The following KCNA7 variants were observed in gnomAD, a reference collection of about 807,000 sequenced individuals.
The protein encoded by KCNA7 is potassium channel, voltage gated shaker related subfamily A, member 7.
KCNA7 carries 15 observed loss-of-function variants against 21.5 expected under a neutral mutation model. The observed-to-expected ratio is 0.70, with a 90% CI of 0.47 to 1.07. The LOEUF (loss-of-function observed/expected upper bound fraction) is 1.07, where lower values mean the gene tolerates loss of function less well. KCNA7 is among the 50% of genes least tolerant of loss of function. The probability of loss-of-function intolerance (pLI) is 0.00; values close to 1 mark genes in which losing one functional copy is unlikely to be tolerated. For missense variants in KCNA7, 640 were observed against 651.6 expected (o/e 0.98, Z 0.19); for synonymous variants, 298 against 291.0 (o/e 1.02, Z -0.24).
chr19:49,071,996 AC>A, intron 1 of KCNA7, 34 bp downstream of exon 1: 1 of 1,504,770 alleles, frequency 6.6e-7, no homozygotes, highest in Non-Finnish European at 9.0e-7. Flanking sequence ...CTCCTCCCAA[AC>A]CCCGCCCGTC....
rs895594507 is a variant in KCNA7, at chr19:49,072,320, A to G, written c.266T>C (p.Phe89Ser). 3.8e-6 allele frequency: 6 copies of G among 1,589,004 alleles called. No homozygotes were observed. The highest frequency in any genetic ancestry group is 5.1e-6 in the Non-Finnish European group (6 of 1,172,570). The part of the protein sequence containing the change: ...RRPAHVPLDV[F>S]LEEVAFYGLG... ...CCCGTAGAAGGCCACCTCTTCCAGGAAGACGTCGAGCGGCACGTGCGCCGG... is the reference window on the plus strand; with the variant it reads ...CCCGTAGAAGGCCACCTCTTCCAGGGAGACGTCGAGCGGCACGTGCGCCGG... The change falls in exon 1 of 2, where the codon TTC (phenylalanine) becomes TCC (serine). Residue 89 changes from phenylalanine (F) to serine (S), a missense_variant. By Grantham distance (155) the Phe-to-Ser change is radical. Coordinates refer to ENST00000221444, the MANE Select transcript of KCNA7 (RefSeq NM_031886.3).
At position 49,070,517 on chromosome 19, in the gene KCNA7, C is replaced by G; in HGVS notation, c.917G>C (p.Arg306Pro). 6.2e-7 allele frequency: 1 copy of G among 1,614,118 alleles called. No homozygotes were observed. Among genetic ancestry groups the G allele is most frequent in the Non-Finnish European group, 8.5e-7 (1 of 1,180,028 alleles). Residue 306 changes from arginine (R) to proline (P), a missense_variant, in exon 2 of 2, where the codon CGG becomes CCG. Arg to Pro is a moderately radical substitution (Grantham distance 103). Coordinates refer to ENST00000221444, the MANE Select transcript of KCNA7 (RefSeq NM_031886.3). The surrounding 1 kb of genome is among the most constrained non-coding windows in gnomAD (Gnocchi z 4.3). ...KGLQILGQTL[R>P]ASMRELGLLI... is the part of the protein sequence containing the mutation. ...GAGGCCCAGCTCACGCATGGAGGCC[C>G]GAAGCGTCTGGCCCAAGATTTGCAG...
chr19:49,071,850 AC>A (rs918811030), intron 1 of KCNA7, among the ~76,000 whole-genome samples, 180 bp downstream of exon 1: 17 of 151,778 alleles, frequency 1.1e-4, no homozygotes, highest in African/African-American at 4.1e-4. Context: ...CCTCAACCCC[AC>A]CTTCTGATGG....
Position 49,072,111 on chromosome 19 carries a change from C to G in KCNA7, c.475G>C (p.Val159Leu). Reference sequence around the variant, plus strand: ...TCAGGCAGCGTCTCGAGGCAGAAGACGACGATGGAGACGAGGATGACCAGC... The same window carrying G: ...TCAGGCAGCGTCTCGAGGCAGAAGAGGACGATGGAGACGAGGATGACCAGC... Reference protein sequence around the residue: ...SVLVILVSIVVFCLETLPDFR... With the variant: ...SVLVILVSIVLFCLETLPDFR... The change falls in exon 1 of 2, where the codon GTC (valine) becomes CTC (leucine). Residue 159 changes from valine (V) to leucine (L), a missense_variant. Coordinates refer to ENST00000221444, the MANE Select transcript of KCNA7 (RefSeq NM_031886.3). The G allele has an allele frequency of 6.2e-7, 1 of 1,612,338 alleles. No individual in the cohort carries two copies. Among genetic ancestry groups the G allele is most frequent in the Non-Finnish European group, 8.5e-7 (1 of 1,179,668 alleles).
Position 49,070,017 on chromosome 19 carries a change from C to A in KCNA7, c.*46G>T. The A allele has an allele frequency of 1.1e-5, 16 of 1,419,280 alleles. No homozygotes were observed. The highest frequency in any genetic ancestry group is 1.6e-5 in the Non-Finnish European group (16 of 1,031,664). 87.9% of individuals were successfully genotyped at this position (1,419,280 alleles called of 1,614,324 possible). A position where few individuals can be genotyped will look rare whatever the true frequency, so the allele number is the denominator to read the frequency against. ...CCTTGCCCTCCACCCTGCCCTCCCT[C>A]CCTCCCTCTAGGGAGGTGTGAGGTC... is the stretch of plus-strand genomic sequence containing the variant. On this transcript the variant is annotated 3_prime_UTR_variant, in exon 2 of 2. Coordinates refer to ENST00000221444, the MANE Select transcript of KCNA7 (RefSeq NM_031886.3). The surrounding 1 kb of genome is among the most constrained non-coding windows in gnomAD (Gnocchi z 4.3).
At chr19:49,071,911 T>C in intron 1 of KCNA7, 120 bp downstream of exon 1, 2 of 728,498 alleles carry the variant, frequency 2.7e-6, no homozygotes, top group Middle Eastern at 4.2e-4. Context: ...GCCCACCCTG[T>C]CTTCGGCTGG....
rs2122247447 is a variant in KCNA7, at chr19:49,067,617, G to A, written c.*2446C>T. 6.6e-6 allele frequency: 1 copy of A among 152,320 alleles called. No homozygotes were observed. The highest frequency in any genetic ancestry group is 1.9e-4 in the East Asian group (1 of 5,184). 9.4% of individuals were successfully genotyped at this position (152,320 alleles called of 1,614,324 possible). A position where few individuals can be genotyped will look rare whatever the true frequency, so the allele number is the denominator to read the frequency against. On this transcript the variant is annotated 3_prime_UTR_variant, in exon 2 of 2. Coordinates refer to ENST00000221444, the MANE Select transcript of KCNA7 (RefSeq NM_031886.3). ...GAAATGAGGCTACGGGACTCAGGAG[G>A]ACCCGTGTGTCCCAGCAGGCTGATG...
chr19:49,070,130 C>A lies in KCNA7; in HGVS notation c.1304G>T (p.Gly435Val). 1 of 1,613,672 alleles carries A rather than the reference C, an allele frequency of 6.2e-7. No homozygotes were observed. Among genetic ancestry groups the A allele is most frequent in the Non-Finnish European group, 8.5e-7 (1 of 1,179,802 alleles). The change falls in exon 2 of 2, where the codon GGG (glycine) becomes GTG (valine). Residue 435 changes from glycine to valine, a missense_variant. Gly to Val is a moderately radical substitution (Grantham distance 109). Transcript: ENST00000221444. This position sits in a 1 kb window ranked among gnomAD's most constrained non-coding sequence, Gnocchi z 4.3. ...EGKANGGLVD[G>V]EVPELPPPLW... ...TGGAGGTGGTAGCTCAGGTACCTCC[C>A]CGTCCACCAGCCCCCCATTGGCCTT...
Position 49,070,689 on chromosome 19 carries a change from C to T in KCNA7, c.745G>A (p.Ala249Thr). The T allele has an allele frequency of 6.2e-7, 1 of 1,614,172 alleles. No individual in the cohort carries two copies. Among genetic ancestry groups the T allele is most frequent in the Non-Finnish European group, 8.5e-7 (1 of 1,180,032 alleles). Reference protein sequence around the residue: ...KNVMNLIDFVAILPYFVALGT... With the variant: ...KNVMNLIDFVTILPYFVALGT... ...AGTGCCACAAAGTAGGGAAGGATAG[C>T]CACAAAATCGATGAGGTTCATCACG... The change falls in exon 2 of 2, where the codon GCT (alanine) becomes ACT (threonine). Residue 249 changes from alanine to threonine, a missense_variant. Coordinates refer to ENST00000221444, the MANE Select transcript of KCNA7 (RefSeq NM_031886.3). This position sits in a 1 kb window ranked among gnomAD's most constrained non-coding sequence, Gnocchi z 4.3.
At position 49,072,043 on chromosome 19, in the gene KCNA7, G is replaced by T. The variant is rs200579675; in HGVS notation, c.543C>A (p.Ala181=). Residue 181 remains alanine (A), a synonymous_variant, in exon 1 of 2, where the codon GCC becomes GCA. Coordinates refer to ENST00000221444, the MANE Select transcript of KCNA7 (RefSeq NM_031886.3). ...CCCCGCCTCTCACCGGGCCGGCTGC[G>T]GCTGCAGCAGCAAGCCCCGTGCCGT... ...DRDGTGLAAA[A]AAGPFPAPLN... 2 of 1,602,898 alleles carry T rather than the reference G, an allele frequency of 1.2e-6. No homozygotes were observed. Among genetic ancestry groups the T allele is most frequent in the Admixed American group, 3.4e-5 (2 of 59,280 alleles).
Position 49,070,659 on chromosome 19 carries a change from T to G in KCNA7, c.775A>C (p.Thr259Pro), listed in dbSNP as rs1250413933. ...ACCCCTCGCTGCCGGGCCAGCTCGG[T>G]GCCCAGTGCCACAAAGTAGGGAAGG... ...AILPYFVALG[T>P]ELARQRGVGQ... Residue 259 changes from threonine (T) to proline (P), a missense_variant, in exon 2 of 2, where the codon ACC becomes CCC. By Grantham distance (38) the Thr-to-Pro change is conservative. Coordinates refer to ENST00000221444, the MANE Select transcript of KCNA7 (RefSeq NM_031886.3). The surrounding 1 kb of genome is among the most constrained non-coding windows in gnomAD (Gnocchi z 4.3). The G allele has an allele frequency of 6.2e-7, 1 of 1,614,138 alleles. No individual in the cohort carries two copies. The highest frequency in any genetic ancestry group is 1.7e-5 in the Admixed American group (1 of 60,018).
At chr19:49,071,910 G>T in intron 1 of KCNA7, 121 bp downstream of exon 1, 5 of 820,064 alleles carry the variant, frequency 6.1e-6, no homozygotes, top group South Asian at 3.8e-5. Context: ...CGCCCACCCT[G>T]TCTTCGGCTG....
chr19:49,069,215 T>C lies in KCNA7; in HGVS notation c.*848A>G, dbSNP rs766610802. The C allele has an allele frequency of 8.5e-5, 13 of 152,222 alleles. No homozygotes were observed. The highest frequency in any genetic ancestry group is 1.5e-4 in the Non-Finnish European group (10 of 68,050). The allele number at this position is 152,222 out of a possible 1,614,324, so 9.4% of individuals were successfully genotyped here. On this transcript the variant is annotated 3_prime_UTR_variant, in exon 2 of 2. Coordinates refer to ENST00000221444, the MANE Select transcript of KCNA7 (RefSeq NM_031886.3). ...CAGTCCAACTCAACCCAACTTCCTG[T>C]AGGACTCACATAGTGACACAACTCA...
At position 49,068,269 on chromosome 19, in the gene KCNA7, C is replaced by A. The variant is rs1031892047; in HGVS notation, c.*1794G>T. On this transcript the variant is annotated 3_prime_UTR_variant, in exon 2 of 2. Coordinates refer to ENST00000221444, the MANE Select transcript of KCNA7 (RefSeq NM_031886.3). The stretch of plus-strand genomic sequence containing the variant: ...TTGTTCTGTCTCCAACTCTGGGTGT[C>A]TGACGCTGCCCTCTGGGTCTCTGTC... 6.6e-6 allele frequency: 1 copy of A among 152,016 alleles called. No homozygotes were observed. The highest frequency in any genetic ancestry group is 2.4e-5 in the African/African-American group (1 of 41,334). The allele number at this position is 152,016 out of a possible 1,614,324, so 9.4% of individuals were successfully genotyped here. A position where few individuals can be genotyped will look rare whatever the true frequency, so the allele number is the denominator to read the frequency against.
Position 49,072,161 on chromosome 19 carries a change from G to A in KCNA7, c.425C>T (p.Ala142Val). ...LFEFPESSQA[A>V]RVLAVVSVLV... ...CACGGAGACTACGGCGAGCACGCGCGCGGCCTGAGAGCTCTCGGGAAACTC... is the reference window on the plus strand; with the variant it reads ...CACGGAGACTACGGCGAGCACGCGCACGGCCTGAGAGCTCTCGGGAAACTC... Residue 142 changes from alanine (A) to valine (V), a missense_variant, in exon 1 of 2, where the codon GCG (alanine) becomes GTG (valine). By Grantham distance (64) the Ala-to-Val change is moderately conservative. Transcript: ENST00000221444. 1 of 1,612,182 alleles carries A rather than the reference G, an allele frequency of 6.2e-7. No homozygotes were observed. The highest frequency in any genetic ancestry group is 8.5e-7 in the Non-Finnish European group (1 of 1,179,670).
rs1264877023 is a variant in KCNA7 at position 49,070,179 on chromosome 19, G to C, written c.1255C>G (p.Gln419Glu). 1.9e-6 allele frequency: 3 copies of C among 1,614,078 alleles called. No homozygotes were observed. Among genetic ancestry groups the C allele is most frequent in the Admixed American group, 1.7e-5 (1 of 60,002 alleles). ...TTGCCCTCCAGTGGGCCACAAGGCTGCATGTCCACATGGCTGAACATCCCA... is the reference window on the plus strand; with the variant it reads ...TTGCCCTCCAGTGGGCCACAAGGCTCCATGTCCACATGGCTGAACATCCCA... ...EAGMFSHVDM[Q>E]PCGPLEGKAN... Residue 419 changes from glutamine to glutamate, a missense_variant, in exon 2 of 2, where the codon CAG (glutamine) becomes GAG (glutamate). Coordinates refer to ENST00000221444, the MANE Select transcript of KCNA7 (RefSeq NM_031886.3). This position sits in a 1 kb window ranked among gnomAD's most constrained non-coding sequence, Gnocchi z 4.3.
In KCNA7 at chr19:49,069,807, C is replaced by T. The variant is rs141788019; in HGVS notation, c.*256G>A. The T allele has an allele frequency of 6.0e-6, 3 of 502,406 alleles. No individual in the cohort carries two copies. The highest frequency in any genetic ancestry group is 5.7e-5 in the African/African-American group (3 of 52,232). The allele number at this position is 502,406 out of a possible 1,614,324, so 31.1% of individuals were successfully genotyped here. On this transcript the variant is annotated 3_prime_UTR_variant, in exon 2 of 2. Transcript: ENST00000221444. The stretch of plus-strand genomic sequence containing the variant: ...AAAAGGCTCCATGAGCTTTGCACAA[C>T]TCAGAGTAATATGAACCAATTGAGT...
At position 49,070,506 on chromosome 19, in the gene KCNA7, G is replaced by A. The variant is rs766196010; in HGVS notation, c.928C>T (p.Arg310Cys). 1.2e-5 allele frequency: 19 copies of A among 1,614,152 alleles called. No individual in the cohort carries two copies. Among genetic ancestry groups the A allele is most frequent in the South Asian group, 2.2e-5 (2 of 91,080 alleles). The change falls in exon 2 of 2, where the codon CGT becomes TGT. Residue 310 changes from arginine (R) to cysteine (C), a missense_variant. Arg to Cys is a radical substitution (Grantham distance 180). Transcript: ENST00000221444. The surrounding 1 kb of genome is among the most constrained non-coding windows in gnomAD (Gnocchi z 4.3). The stretch of plus-strand genomic sequence containing the variant: ...AAAAAGATGAGGAGGCCCAGCTCAC[G>A]CATGGAGGCCCGAAGCGTCTGGCCC... Reference protein sequence around the residue: ...ILGQTLRASMRELGLLIFFLF... With the variant: ...ILGQTLRASMCELGLLIFFLF...
At position 49,070,256 on chromosome 19, in the gene KCNA7, A is replaced by G; in HGVS notation, c.1178T>C (p.Ile393Thr). ...VLTISLPVPV[I>T]VSNFSYFYHR... ...ATAAAAGTAGCTGAAATTGGAGACA[A>G]TGACGGGCACTGGCAGGGAAATAGT... Residue 393 changes from isoleucine (I) to threonine (T), a missense_variant, in exon 2 of 2, where the codon ATT becomes ACT. Transcript: ENST00000221444. This position sits in a 1 kb window ranked among gnomAD's most constrained non-coding sequence, Gnocchi z 4.3. 2 of 1,614,206 alleles carry G rather than the reference A, an allele frequency of 1.2e-6. No individual in the cohort carries two copies. Among genetic ancestry groups the G allele is most frequent in the South Asian group, 2.2e-5 (2 of 91,082 alleles).
Sources: allele counts gnomAD v4.1 joint callset (sites outside exome capture counted in the v4.1 genomes callset), GRCh38; gene constraint gnomAD v4.1.1; non-coding constraint Gnocchi (gnomAD v3.1); transcripts MANE v1.5; gene names NCBI Gene and HGNC (gene_info 2026-07-23, HGNC 2026-07-21).